The following ZBBX variants were observed in gnomAD, a reference collection of about 807,000 sequenced individuals.
ZBBX encodes the protein zinc finger B-box domain-containing protein 1.
Under a neutral mutation model 108.5 loss-of-function variants are expected in ZBBX, and 101 were observed. The observed-to-expected ratio is 0.93, with a 90% confidence interval of 0.79 to 1.10. ZBBX has a LOEUF of 1.10. Ranked by LOEUF, ZBBX falls within the 50% of genes least tolerant of loss-of-function variation. The probability of loss-of-function intolerance (pLI) is 0.00; values close to 1 mark genes in which losing one functional copy is unlikely to be tolerated. For synonymous variants in ZBBX, 356 were observed against 323.4 expected, an observed-to-expected ratio of 1.10 and a Z score of -1.08; for missense variants, 1,009 against 941.4, an observed-to-expected ratio of 1.07 and a Z score of -0.94.
chr3:167,310,887 G>A (rs1189481131), intron 16 of ZBBX, among the ~76,000 whole-genome samples: 1 of 152,076 alleles, frequency 6.6e-6, no homozygotes, highest in Non-Finnish European at 1.5e-5. Flanking sequence ...TTCATGGATG[G>A]GAAGATTTAA....
At chr3:167,393,178 C>G (rs568202469) in intron 1 of ZBBX, among the ~76,000 whole-genome samples, 31 of 151,934 alleles carry the variant, frequency 2.0e-4, no homozygotes, top group Admixed American at 7.2e-4. Flanking sequence ...GCAGCAAAGT[C>G]TAGCTATATG....
At chr3:167,202,411 G>T in the ZBBX span, among the ~76,000 whole-genome samples, 1 of 152,078 alleles carries the variant, frequency 6.6e-6, no homozygotes, top group East Asian at 1.9e-4. Flanking sequence ...CTGTGATTTT[G>T]TTTTAAAATA....
At chr3:167,258,579 G>T (rs1253597090) in intron 20 of ZBBX, among the ~76,000 whole-genome samples, 1 of 151,192 alleles carries the variant, frequency 6.6e-6, no homozygotes, top group Non-Finnish European at 1.5e-5. Flanking sequence ...TCCTGGTCTT[G>T]TTCCACTTCT....
chr3:167,237,119 T>G (rs1668021133), downstream of ZBBX, among the ~76,000 whole-genome samples: 3 of 151,866 alleles, frequency 2.0e-5, no homozygotes, highest in South Asian at 6.2e-4. Context: ...TTTCATAACA[T>G]TTATTTTTTT....
intron 20 of ZBBX, among the ~76,000 whole-genome samples, chr3:167,273,095 AC>A (rs1232978727): frequency 6.6e-6 from 1 of 151,634 alleles, no homozygotes; most frequent in African/African-American, 2.4e-5. Context: ...CATTCTCTTC[AC>A]CCCCTTCCTT....
At chr3:167,274,569 C>A (rs1727136984) in intron 20 of ZBBX, among the ~76,000 whole-genome samples, 1 of 152,202 alleles carries the variant, frequency 6.6e-6, no homozygotes, top group African/African-American at 2.4e-5. Context: ...AGCCTGTTAA[C>A]TTCCTTACCC....
At chr3:167,323,285 G>T (rs1226884467) in intron 11 of ZBBX, among the ~76,000 whole-genome samples, 1 of 150,372 alleles carries the variant, frequency 6.7e-6, no homozygotes, top group Non-Finnish European at 1.5e-5. Context: ...CTAGATGTTA[G>T]AGAAGAGCCA....
intron 20 of ZBBX, among the ~76,000 whole-genome samples, chr3:167,273,143 C>T (rs1215894106): frequency 6.6e-6 from 1 of 152,144 alleles, no homozygotes; most frequent in Admixed American, 6.5e-5. Context: ...ATCAGACTGC[C>T]ATCTCTTCTA....
At chr3:167,381,121 C>T (rs1357515868), upstream of ZBBX, among the ~76,000 whole-genome samples, 2 of 152,024 alleles carry the variant, frequency 1.3e-5, no homozygotes, top group African/African-American at 4.8e-5. Flanking sequence ...AGTTAATGTA[C>T]TAATCTTTAC....
At chr3:167,406,018 A>T (rs572015954) in intron 1 of ZBBX, among the ~76,000 whole-genome samples, 6 of 152,322 alleles carry the variant, frequency 3.9e-5, no homozygotes, top group Non-Finnish European at 2.9e-5. Flanking sequence ...GTGAGCCGAT[A>T]GTGCCATTGC....
intron 19 of ZBBX, among the ~76,000 whole-genome samples, chr3:167,285,326 T>C (rs1475141269): frequency 1.3e-5 from 2 of 152,054 alleles, no homozygotes; most frequent in Non-Finnish European, 2.9e-5. Flanking sequence ...GCAACATAAT[T>C]TTAGGTAGCG....
the ZBBX span, among the ~76,000 whole-genome samples, chr3:167,227,960 T>C: frequency 6.6e-6 from 1 of 151,688 alleles, no homozygotes; most frequent in Non-Finnish European, 1.5e-5. Context: ...TATAGCTGGA[T>C]AATGACTCCT....
chr3:167,248,339 G>C (rs985647136), intron 20 of ZBBX, among the ~76,000 whole-genome samples: 1 of 152,216 alleles, frequency 6.6e-6, no homozygotes, highest in Non-Finnish European at 1.5e-5. Context: ...ATTCAGCCTA[G>C]TCTGAAATCG....
chr3:167,324,589 C>T (rs1455703838), intron 11 of ZBBX, among the ~76,000 whole-genome samples: 1 of 152,116 alleles, frequency 6.6e-6, no homozygotes, highest in Non-Finnish European at 1.5e-5. Context: ...CATTCCTAGG[C>T]ACACCAATTA....
the ZBBX span, among the ~76,000 whole-genome samples, chr3:167,183,336 G>A: frequency 2.0e-5 from 3 of 152,176 alleles, no homozygotes; most frequent in Admixed American, 2.0e-4. Flanking sequence ...GAGTACTCGG[G>A]TGTCCTCCAG....
chr3:167,346,418 G>A lies in ZBBX; in HGVS notation c.528+4002C>T, dbSNP rs554770137. Among the ~76,000 whole-genome samples, 11 of 151,892 alleles carry A rather than the reference G, an allele frequency of 7.2e-5. No homozygotes were observed. In the South Asian group the frequency reaches 2.3e-3, roughly 32 times the overall value. On this transcript the variant is annotated intron_variant, in intron 9 of 21. Transcript: ENST00000675490. Reference sequence around the variant, plus strand: ...TTTCAGAGATCGTAAGTAAAACAAGGTATGCTGATACAAAATGATCCATAC... The same window carrying A: ...TTTCAGAGATCGTAAGTAAAACAAGATATGCTGATACAAAATGATCCATAC...
chr3:167,334,020 C>T lies in ZBBX; in HGVS notation c.529-35G>A, dbSNP rs761440359. The T allele has an allele frequency of 6.5e-6, 9 of 1,394,966 alleles. No individual in the cohort carries two copies. The South Asian group carries it at 1.3e-4, about 20-fold the overall frequency. The allele number at this position is 1,394,966 out of a possible 1,614,324, so 86.4% of individuals were successfully genotyped here. A position where few individuals can be genotyped will look rare whatever the true frequency, so the allele number is the denominator to read the frequency against. ...AAGTAACAATATAATTAAAGCGCCT[C>T]ATATGTTAACCTAAATAATTTATAT... is the stretch of plus-strand genomic sequence containing the variant. On this transcript the variant is annotated intron_variant, in intron 9 of 21. Transcript: ENST00000675490.
chr3:167,368,659 A>AATCAT, intron 4 of ZBBX, 85 bp from the exon 5 acceptor site: 1 of 1,313,954 alleles, frequency 7.6e-7, no homozygotes, highest in South Asian at 1.9e-5. Flanking sequence ...GTTAAATTAG[A>AATCAT]ATCATGAATA....
At chr3:167,353,554 T>A (rs550675176) in intron 8 of ZBBX, among the ~76,000 whole-genome samples, 1 of 152,186 alleles carries the variant, frequency 6.6e-6, no homozygotes, top group South Asian at 2.1e-4. Context: ...GTGGCTATGA[T>A]GTTCCCATTC....
Sources: allele counts gnomAD v4.1 joint callset (sites outside exome capture counted in the v4.1 genomes callset), GRCh38; gene constraint gnomAD v4.1.1; transcripts MANE v1.5; gene names NCBI Gene and HGNC (gene_info 2026-07-23, HGNC 2026-07-21).